The following MTUS2 variants were observed in gnomAD, a reference collection of about 807,000 sequenced individuals.
The protein encoded by MTUS2 is microtubule associated scaffold protein 2.
Under a neutral mutation model 114.1 loss-of-function variants are expected in MTUS2, and 40 were observed. That is an observed-to-expected ratio of 0.35 (90% CI 0.27 to 0.46). The LOEUF is 0.46. Ranked by LOEUF, MTUS2 falls within the 20% of genes least tolerant of loss-of-function variation. The pLI is 1.00. For missense variants in MTUS2, 1,679 were observed against 1,705.4 expected (o/e 0.98, Z 0.27); for synonymous variants, 688 against 672.0 (o/e 1.02, Z -0.37).
At chr13:29,295,684 C>G (rs989270371) in intron 6 of MTUS2, among the ~76,000 whole-genome samples, 3 of 152,142 alleles carry the variant, frequency 2.0e-5, no homozygotes, top group Non-Finnish European at 2.9e-5. Context: ...TGAAGAAATG[C>G]CCAAGACTGG....
intron 5 of MTUS2, among the ~76,000 whole-genome samples, chr13:29,177,827 A>C (rs1444945127): frequency 6.6e-6 from 1 of 152,146 alleles, no homozygotes; most frequent in African/African-American, 2.4e-5. Context: ...TGCTCAGATG[A>C]GGACCCTGAG....
At chr13:28,895,027 C>G (rs1291863050) in intron 2 of MTUS2, among the ~76,000 whole-genome samples, 1 of 152,202 alleles carries the variant, frequency 6.6e-6, no homozygotes, top group African/African-American at 2.4e-5. Flanking sequence ...TTTCGAAGAT[C>G]TCGAAATCCA....
chr13:29,485,208 C>A (rs774920453), intron 10 of MTUS2: 1 of 152,642 alleles, frequency 6.6e-6, no homozygotes, highest in South Asian at 2.1e-4. Flanking sequence ...TTGTGCTTTC[C>A]TTGGGTCAGC....
At chr13:29,345,902 G>A (rs9551654) in intron 7 of MTUS2, among the ~76,000 whole-genome samples, 122,471 of 152,008 alleles carry the variant, frequency 0.81, 50,362 homozygotes, top group East Asian at 0.9. Context: ...CCTGAGAGCC[G>A]AACTGTAGTT....
intron 5 of MTUS2, among the ~76,000 whole-genome samples, chr13:29,158,358 C>CCCCCCCCTTTTTTTT: frequency 1.6e-4 from 5 of 32,056 alleles, no homozygotes; most frequent in African/African-American, 4.1e-4. Context: ...GTCCACCCCG[C>CCCCCCCCTTTTTTTT]TTTTTTTTTT....
intron 7 of MTUS2, among the ~76,000 whole-genome samples, chr13:29,337,695 G>A (rs759898398): frequency 8.0e-5 from 12 of 150,548 alleles, no homozygotes; most frequent in South Asian, 2.1e-4. Flanking sequence ...TCTGCCTCCC[G>A]GGTTCAAGTG....
chr13:28,877,315 C>T (rs1878004479), intron 2 of MTUS2, among the ~76,000 whole-genome samples: 1 of 137,302 alleles, frequency 7.3e-6, no homozygotes, highest in East Asian at 2.0e-4. Context: ...GAGACTCCAT[C>T]TCAAAAAAAA....
chr13:29,070,634 C>G (rs1888874472), intron 4 of MTUS2, among the ~76,000 whole-genome samples: 1 of 150,790 alleles, frequency 6.6e-6, no homozygotes, highest in Non-Finnish European at 1.5e-5. Flanking sequence ...GAATGTGTGT[C>G]AGAGAGAGAG....
rs529074953 is a variant in MTUS2, at chr13:29,211,338, G to A, written c.2645-70366G>A. On this transcript the variant is annotated intron_variant, in intron 5 of 15. Transcript: ENST00000612955. ...TCCCACCATGTCCCCCCAACAGCACGAGAGGGACATGCCCCAGGCTACAAG... is the reference window on the plus strand; with the variant it reads ...TCCCACCATGTCCCCCCAACAGCACAAGAGGGACATGCCCCAGGCTACAAG... Among the ~76,000 whole-genome samples the A allele has an allele frequency of 2.0e-5, 3 of 152,410 alleles. No individual in the cohort carries two copies. The South Asian group carries it at 6.2e-4, about 32-fold the overall frequency.
chr13:28,885,810 G>C (rs1325840625), intron 2 of MTUS2, among the ~76,000 whole-genome samples: 2 of 152,196 alleles, frequency 1.3e-5, no homozygotes, highest in Non-Finnish European at 2.9e-5. Context: ...GGATATAGTA[G>C]TGGACAAAAC....
At chr13:29,431,336 C>G (rs1876974865) in intron 8 of MTUS2, among the ~76,000 whole-genome samples, 1 of 152,150 alleles carries the variant, frequency 6.6e-6, no homozygotes, top group Admixed American at 6.5e-5. Context: ...ATATTTATTA[C>G]TGGTTTACTC....
chr13:29,030,683 T>C (rs989970202), intron 3 of MTUS2, among the ~76,000 whole-genome samples: 5 of 152,188 alleles, frequency 3.3e-5, no homozygotes, highest in African/African-American at 9.7e-5. Flanking sequence ...AACACATTTT[T>C]GATAATGTGT....
At chr13:29,099,428 C>A (rs1169718096) in intron 4 of MTUS2, among the ~76,000 whole-genome samples, 2 of 152,176 alleles carry the variant, frequency 1.3e-5, no homozygotes, top group Non-Finnish European at 2.9e-5. Flanking sequence ...TCCATAGCCT[C>A]ACTTTCGGGG....
At chr13:29,191,760 A>G (rs6490365) in intron 5 of MTUS2, among the ~76,000 whole-genome samples, 127,239 of 152,098 alleles carry the variant, frequency 0.84, 53,455 homozygotes, top group African/African-American at 0.91. Flanking sequence ...AAATAACTCA[A>G]GGCATATTTC....
At chr13:29,198,829 A>G (rs533094142) in intron 5 of MTUS2, among the ~76,000 whole-genome samples, 24 of 152,214 alleles carry the variant, frequency 1.6e-4, no homozygotes, top group Admixed American at 1.3e-3. Context: ...CTTTGTAGCA[A>G]TTGTGAATGG....
intron 8 of MTUS2, among the ~76,000 whole-genome samples, chr13:29,409,473 TA>T (rs574055828): frequency 6.6e-6 from 1 of 152,198 alleles, no homozygotes; most frequent in Non-Finnish European, 1.5e-5. Flanking sequence ...TCATTTGTTT[TA>T]AAAAAACAAG....
chr13:29,131,094 G>A (rs1443315516), intron 5 of MTUS2, among the ~76,000 whole-genome samples: 3 of 152,212 alleles, frequency 2.0e-5, no homozygotes, highest in Non-Finnish European at 2.9e-5. Flanking sequence ...AAGATTCAAT[G>A]GGTCAATTTT....
chr13:29,308,045 C>T (rs188558018), intron 6 of MTUS2, among the ~76,000 whole-genome samples: 1 of 152,262 alleles, frequency 6.6e-6, no homozygotes, highest in African/African-American at 2.4e-5. Flanking sequence ...TCCCATTAAA[C>T]TACCATTGAC....
At chr13:29,046,331 G>T (rs1332004213) in intron 4 of MTUS2, among the ~76,000 whole-genome samples, 1 of 152,036 alleles carries the variant, frequency 6.6e-6, no homozygotes. Flanking sequence ...GCCCAGGCTG[G>T]TCTCGAACTC....
Sources: allele counts gnomAD v4.1 joint callset (sites outside exome capture counted in the v4.1 genomes callset), GRCh38; gene constraint gnomAD v4.1.1; transcripts MANE v1.5; gene names NCBI Gene and HGNC (gene_info 2026-07-23, HGNC 2026-07-21).